Variants in HNRNPDL observed in about 807,000 individuals in gnomAD.
HNRNPDL encodes heterogeneous nuclear ribonucleoprotein D like.
Under a neutral mutation model 48.0 loss-of-function variants are expected in HNRNPDL, and 18 were observed. That is an observed-to-expected ratio of 0.38 (90% CI 0.26 to 0.56). HNRNPDL has a LOEUF of 0.56. Ranked by LOEUF, HNRNPDL falls within the 20% of genes least tolerant of loss-of-function variation. The pLI is 0.77. For missense variants in HNRNPDL, 553 were observed against 540.7 expected (o/e 1.02, Z -0.23); for synonymous variants, 306 against 207.3 (o/e 1.48, Z -4.09).
chr4:82,427,932 A>T, intron 3 of HNRNPDL, 86 bp downstream of exon 3: 6 of 1,288,010 alleles, frequency 4.7e-6, no homozygotes, highest in Non-Finnish European at 5.4e-6. Context: ...CTTACAGGAA[A>T]CATGAATCTG....
In HNRNPDL at chr4:82,429,741, G is replaced by A. The variant is rs1472505628; in HGVS notation, c.-51C>T. The A allele has an allele frequency of 7.8e-7, 1 of 1,282,814 alleles. No homozygotes were observed. The highest frequency in any genetic ancestry group is 4.0e-5 in the Admixed American group (1 of 24,782). 79.5% of individuals were successfully genotyped at this position (1,282,814 alleles called of 1,614,324 possible). A position where few individuals can be genotyped will look rare whatever the true frequency, so the allele number is the denominator to read the frequency against. On this transcript the variant is annotated 5_prime_UTR_variant, in exon 1 of 8. Transcript: ENST00000295470. ...GCCACGCGTGAGGGGACGCGGGCTT[G>A]GGAGAAGAGAAGAATCAGAAGAGAA...
chr4:82,429,445 G>T lies in HNRNPDL; in HGVS notation c.246C>A (p.Arg82=), dbSNP rs960441080. The T allele has an allele frequency of 4.4e-5, 70 of 1,608,378 alleles. No individual in the cohort carries two copies. Among genetic ancestry groups the T allele is most frequent in the Non-Finnish European group, 5.8e-5 (68 of 1,177,584 alleles). The stretch of plus-strand genomic sequence containing the variant: ...TAAAATGGCGGCGGAAGAGATCCGG[G>T]CGCCGCCTGCGCCCTCCCTTTATAG... ...GAAIKGGRRR[R]PDLFRRHFKS... is the part of the protein sequence containing the mutation. The change falls in exon 1 of 8, where the codon CGC becomes CGA. Residue 82 remains arginine (R), a synonymous_variant. Coordinates refer to ENST00000295470, the MANE Select transcript of HNRNPDL (RefSeq NM_031372.4).
Position 82,429,899 on chromosome 4 carries a change from C to T in HNRNPDL, c.-209G>A. 1 of 390,080 alleles carries T rather than the reference C, an allele frequency of 2.6e-6. No homozygotes were observed. The highest frequency in any genetic ancestry group is 4.5e-6 in the Non-Finnish European group (1 of 221,774). 24.2% of individuals were successfully genotyped at this position (390,080 alleles called of 1,614,324 possible). On this transcript the variant is annotated 5_prime_UTR_variant, in exon 1 of 8. Coordinates refer to ENST00000295470, the MANE Select transcript of HNRNPDL (RefSeq NM_031372.4). ...CACTCCTACCAAAAAGCCGTCAACCCCGCCTTTTTCTGCCCTCGGTTCGCC... is the reference window on the plus strand; with the variant it reads ...CACTCCTACCAAAAAGCCGTCAACCTCGCCTTTTTCTGCCCTCGGTTCGCC...
Position 82,428,060 on chromosome 4 carries a change from A to C in HNRNPDL, c.732T>G (p.Thr244=), listed in dbSNP as rs756928524. ...KVFVGGLSPD[T]SEEQIKEYFG... ...AATATTCTTTAATTTGTTCTTCAGA[A>C]GTATCCGGGCTCAATCCACCCACAA... The change falls in exon 3 of 8, where the codon ACT becomes ACG. Residue 244 remains threonine, a synonymous_variant. Coordinates refer to ENST00000295470, the MANE Select transcript of HNRNPDL (RefSeq NM_031372.4). 17 of 1,614,072 alleles carry C rather than the reference A, an allele frequency of 1.1e-5. No homozygotes were observed. In the East Asian group the frequency reaches 3.6e-4, roughly 34 times the overall value.
At position 82,427,527 on chromosome 4, in the gene HNRNPDL, T is replaced by C; in HGVS notation, c.812A>G (p.Asn271Ser). 6.2e-7 allele frequency: 1 copy of C among 1,608,874 alleles called. No homozygotes were observed. Among genetic ancestry groups the C allele is most frequent in the Non-Finnish European group, 8.5e-7 (1 of 1,178,162 alleles). ...NIELPMDTKT[N>S]ERRGFCFITY... is the part of the protein sequence containing the mutation. The stretch of plus-strand genomic sequence containing the variant: ...GATAAAACAAAATCCTCTTCTTTCA[T>C]TTGTTTTTGTATCCATGGGAAGTTC... Residue 271 changes from asparagine to serine, a missense_variant, in exon 4 of 8, where the codon AAT becomes AGT. This residue lies in a region of HNRNPDL where 174 missense variants were observed against 204.6 expected (regional missense o/e 0.85). Transcript: ENST00000295470.
Position 82,424,457 on chromosome 4 carries a change from A to C in HNRNPDL, c.*449T>G, listed in dbSNP as rs1721332716. 2 of 152,696 alleles carry C rather than the reference A, an allele frequency of 1.3e-5. No individual in the cohort carries two copies. The highest frequency in any genetic ancestry group is 1.3e-4 in the Admixed American group (2 of 15,282). The allele number at this position is 152,696 out of a possible 1,614,324, so 9.5% of individuals were successfully genotyped here. A position where few individuals can be genotyped will look rare whatever the true frequency, so the allele number is the denominator to read the frequency against. On this transcript the variant is annotated 3_prime_UTR_variant, in exon 8 of 8. Coordinates refer to ENST00000295470, the MANE Select transcript of HNRNPDL (RefSeq NM_031372.4). Reference sequence around the variant, plus strand: ...AGGGAGAAGATGAAGCCTTAAGAGCATAAAATACACCTACAAATTGGAGAA... The same window carrying C: ...AGGGAGAAGATGAAGCCTTAAGAGCCTAAAATACACCTACAAATTGGAGAA...
intron 5 of HNRNPDL, 135 bp downstream of exon 5, chr4:82,427,055 C>A: frequency 1.3e-6 from 1 of 746,648 alleles, no homozygotes; most frequent in Non-Finnish European, 2.4e-6. Context: ...CACACAACCT[C>A]CACTAAGCTG....
rs1721441155 is a variant in HNRNPDL, at chr4:82,427,050, A to T, written c.1021+140T>A. 4 of 728,764 alleles carry T rather than the reference A, an allele frequency of 5.5e-6. No homozygotes were observed. In the Admixed American group the frequency reaches 1.0e-4, roughly 18 times the overall value. 45.1% of individuals were successfully genotyped at this position (728,764 alleles called of 1,614,324 possible). A position where few individuals can be genotyped will look rare whatever the true frequency, so the allele number is the denominator to read the frequency against. On this transcript the variant is annotated intron_variant, in intron 5 of 7. Transcript: ENST00000295470. ...CTCACAACAAAAAACCACCACACAC[A>T]ACCTCCACTAAGCTGAACAGTCCCC...
At position 82,429,585 on chromosome 4, in the gene HNRNPDL, G is replaced by A. The variant is rs935191503; in HGVS notation, c.106C>T (p.Arg36Trp). 3.6e-6 allele frequency: 5 copies of A among 1,379,692 alleles called. No individual in the cohort carries two copies. Among genetic ancestry groups the A allele is most frequent in the East Asian group, 3.0e-5 (1 of 33,258 alleles). 85.5% of individuals were successfully genotyped at this position (1,379,692 alleles called of 1,614,324 possible). The change falls in exon 1 of 8, where the codon CGG becomes TGG. Residue 36 changes from arginine to tryptophan, a missense_variant. Around this residue, in one of 4 missense-constraint regions of HNRNPDL, gnomAD observed 327 missense variants for 203.2 expected, o/e 1.61. Coordinates refer to ENST00000295470, the MANE Select transcript of HNRNPDL (RefSeq NM_031372.4). ...SLSHWRPRPP[R>W]QLAPLLPSLA... ...GAAGGGAGGAGCGGGGCTAGCTGCCGCGGCGGCCGCGGCCGCCAATGGGAG... is the reference window on the plus strand; with the variant it reads ...GAAGGGAGGAGCGGGGCTAGCTGCCACGGCGGCCGCGGCCGCCAATGGGAG...
Position 82,422,759 on chromosome 4 carries a change from GAATT to G in HNRNPDL, c.*2143_*2146del, listed in dbSNP as rs377637392. ...CCGAGCATTTGTTATAGGTACTTTA[GAATT>G]AATTTCTATCCTCTTCCCGAGGATA... is the stretch of plus-strand genomic sequence containing the variant. On this transcript the variant is annotated 3_prime_UTR_variant, in exon 8 of 8. Coordinates refer to ENST00000295470, the MANE Select transcript of HNRNPDL (RefSeq NM_031372.4). The G allele has an allele frequency of 5.9e-5, 9 of 152,210 alleles. No homozygotes were observed. The East Asian group carries it at 1.3e-3, about 23-fold the overall frequency. The allele number at this position is 152,210 out of a possible 1,614,324, so 9.4% of individuals were successfully genotyped here.
rs1456919124 is a variant in HNRNPDL, at chr4:82,429,544, G to A, written c.147C>T (p.Ser49=). The change falls in exon 1 of 8, where the codon TCC becomes TCT. Residue 49 remains serine, a synonymous_variant. Coordinates refer to ENST00000295470, the MANE Select transcript of HNRNPDL (RefSeq NM_031372.4). ...GGGCCCGGCGCGCCCCCTGCCGGGC[G>A]GAGCTGGGAGCGAGCGAAGGGAGGA... is the stretch of plus-strand genomic sequence containing the variant. ...APLLPSLAPS[S]ARQGARRAQR... is the part of the protein sequence containing the mutation. 1.7e-5 allele frequency: 25 copies of A among 1,456,092 alleles called. No individual in the cohort carries two copies. The highest frequency in any genetic ancestry group is 2.1e-5 in the Non-Finnish European group (23 of 1,108,644). The allele number at this position is 1,456,092 out of a possible 1,614,324, so 90.2% of individuals were successfully genotyped here. A position where few individuals can be genotyped will look rare whatever the true frequency, so the allele number is the denominator to read the frequency against.
intron 5 of HNRNPDL, among the ~76,000 whole-genome samples, chr4:82,426,947 A>G (rs1435003817): frequency 6.6e-6 from 1 of 152,154 alleles, no homozygotes; most frequent in Non-Finnish European, 1.5e-5. Flanking sequence ...GTATCATGTA[A>G]TGGTACACTT....
rs374619310 is a variant in HNRNPDL at position 82,429,212 on chromosome 4, T to C, written c.443+36A>G. 6.3e-6 allele frequency: 10 copies of C among 1,583,800 alleles called. No individual in the cohort carries two copies. The African/African-American group carries it at 8.2e-5, about 13-fold the overall frequency. On this transcript the variant is annotated intron_variant, in intron 1 of 7. Coordinates refer to ENST00000295470, the MANE Select transcript of HNRNPDL (RefSeq NM_031372.4). Reference sequence around the variant, plus strand: ...GGAACGAAGGGCGCGTGCGGCGCGCTGGGGGAGGGGGAGCGGGGGAAGAAG... The same window carrying C: ...GGAACGAAGGGCGCGTGCGGCGCGCCGGGGGAGGGGGAGCGGGGGAAGAAG...
Position 82,429,235 on chromosome 4 carries a change from A to T in HNRNPDL, c.443+13T>A. On this transcript the variant is annotated intron_variant, in intron 1 of 7. Coordinates refer to ENST00000295470, the MANE Select transcript of HNRNPDL (RefSeq NM_031372.4). ...GCTGGGGGAGGGGGAGCGGGGGAAG[A>T]AGCGTGCGGTACCCGTCATCCTGCT... 6.2e-7 allele frequency: 1 copy of T among 1,612,290 alleles called. No individual in the cohort carries two copies. The highest frequency in any genetic ancestry group is 1.3e-5 in the African/African-American group (1 of 75,012).
chr4:82,423,054 TAGAGTTCAAAGCCCAAATC>T lies in HNRNPDL; in HGVS notation c.*1833_*1851del. The stretch of plus-strand genomic sequence containing the variant: ...TAGACCCTGAAATCTGAATTAAATC[TAGAGTTCAAAGCCCAAATC>T]TAGAGTTCAAAGCCCCTGCAAGAAA... On this transcript the variant is annotated 3_prime_UTR_variant, in exon 8 of 8. Coordinates refer to ENST00000295470, the MANE Select transcript of HNRNPDL (RefSeq NM_031372.4). The T allele has an allele frequency of 2.3e-4, 1 of 4,420 alleles. No homozygotes were observed. The highest frequency in any genetic ancestry group is 2.6e-4 in the African/African-American group (1 of 3,890). The allele number at this position is 4,420 out of a possible 1,614,324, so 0.3% of individuals were successfully genotyped here.
At position 82,428,258 on chromosome 4, in the gene HNRNPDL, A is replaced by G; in HGVS notation, c.612+20T>C. On this transcript the variant is annotated intron_variant, in intron 2 of 7. Coordinates refer to ENST00000295470, the MANE Select transcript of HNRNPDL (RefSeq NM_031372.4). ...TGCAAAACACCACAAAAGCAGCACAATGCAAAACATAGTTCCTACCTTATC... is the reference window on the plus strand; with the variant it reads ...TGCAAAACACCACAAAAGCAGCACAGTGCAAAACATAGTTCCTACCTTATC... 1 of 1,609,604 alleles carries G rather than the reference A, an allele frequency of 6.2e-7. No individual in the cohort carries two copies. The highest frequency in any genetic ancestry group is 8.5e-7 in the Non-Finnish European group (1 of 1,176,462).
At position 82,424,717 on chromosome 4, in the gene HNRNPDL, T is replaced by C. The variant is rs888493850; in HGVS notation, c.*189A>G. 9.8e-5 allele frequency: 15 copies of C among 152,648 alleles called. No homozygotes were observed. Among genetic ancestry groups the C allele is most frequent in the Non-Finnish European group, 1.8e-4 (12 of 68,048 alleles). 9.5% of individuals were successfully genotyped at this position (152,648 alleles called of 1,614,324 possible). The stretch of plus-strand genomic sequence containing the variant: ...AATCCACATTGAGTCATAACACAGA[T>C]AGCAAAGGACAAAGTAAAAACAAAG... On this transcript the variant is annotated 3_prime_UTR_variant, in exon 8 of 8. Transcript: ENST00000295470.
intron 3 of HNRNPDL, 21 bp from the exon 4 acceptor site, chr4:82,427,585 CAACGTCATCCCATAATTGTA>C (rs766379048): frequency 4.3e-5 from 69 of 1,602,992 alleles, no homozygotes; most frequent in Non-Finnish European, 5.7e-5. Flanking sequence ...GATGCACACT[CAACGTCATCCCATAATTGTA>C]AAACGTTACA....
chr4:82,428,613 G>T (rs934179076), intron 1 of HNRNPDL, among the ~76,000 whole-genome samples, 167 bp from the exon 2 acceptor site: 3 of 152,118 alleles, frequency 2.0e-5, no homozygotes, highest in Non-Finnish European at 4.4e-5. Flanking sequence ...ATATCCCAAC[G>T]AAGTTACTCA....
Sources: gnomAD v4.1 joint callset for allele counts (sites outside exome capture counted in the v4.1 genomes callset) on GRCh38, gnomAD v4.1.1 for gene constraint, gnomAD v4.1.1 regional missense constraint, MANE v1.5 for transcripts, NCBI Gene and HGNC (gene_info 2026-07-23, HGNC 2026-07-21) for gene names.